TSHZ1: variants seen among roughly 807,000 people sequenced by gnomAD.
The protein encoded by TSHZ1 is teashirt homolog 1.
In TSHZ1, 12 loss-of-function variants were observed where a neutral mutation model predicts 67.1. The ratio of observed to expected loss-of-function variants is 0.18; its 90% CI spans 0.11 to 0.29. The LOEUF (loss-of-function observed/expected upper bound fraction) is 0.29, where lower values mean the gene tolerates loss of function less well. TSHZ1 is among the 10% of genes least tolerant of loss of function. The probability of loss-of-function intolerance (pLI) is 1.00; values close to 1 mark genes in which losing one functional copy is unlikely to be tolerated. For missense variants in TSHZ1, 1,305 were observed against 1,413.9 expected, an observed-to-expected ratio of 0.92 and a Z score of 1.23; for synonymous variants, 632 against 622.4, an observed-to-expected ratio of 1.02 and a Z score of -0.23.
intron 1 of TSHZ1, among the ~76,000 whole-genome samples, chr18:75,271,627 G>A (rs750038720): frequency 7.2e-5 from 11 of 152,044 alleles, no homozygotes; most frequent in South Asian, 2.1e-4. Flanking sequence ...TTGAGCCCCC[G>A]CGTCTCTAAC....
intron 1 of TSHZ1, among the ~76,000 whole-genome samples, chr18:75,242,465 T>C (rs910971796): frequency 1.3e-5 from 2 of 152,256 alleles, no homozygotes. Flanking sequence ...TTGCACTGTT[T>C]TGATTCCATG....
intron 1 of TSHZ1, chr18:75,280,633 GGTCA>G: frequency 9.0e-6 from 5 of 557,068 alleles, no homozygotes; most frequent in Non-Finnish European, 1.1e-5. Flanking sequence ...TGGGGAAGTC[GGTCA>G]ACTTCCCCAA....
At chr18:75,217,063 G>C (rs1431965575) in intron 1 of TSHZ1, among the ~76,000 whole-genome samples, 1 of 152,232 alleles carries the variant, frequency 6.6e-6, no homozygotes, top group Non-Finnish European at 1.5e-5. Context: ...TTTAGCTGTG[G>C]TGGTGGAGAG....
chr18:75,257,286 A>G (rs1199181228), intron 1 of TSHZ1, among the ~76,000 whole-genome samples: 1 of 152,204 alleles, frequency 6.6e-6, no homozygotes, highest in Non-Finnish European at 1.5e-5. Flanking sequence ...ACCTTAATGT[A>G]TACAGAAGAT....
rs201122666 is a variant in TSHZ1 at position 75,287,601 on chromosome 18, A to T, written c.2194A>T (p.Ile732Phe). The T allele has an allele frequency of 1.6e-4, 259 of 1,614,036 alleles. No individual in the cohort carries two copies. Among genetic ancestry groups the T allele is most frequent in the Non-Finnish European group, 2.1e-4 (250 of 1,180,052 alleles). Residue 732 changes from isoleucine (I) to phenylalanine (F), a missense_variant, in exon 2 of 2, where the codon ATC (isoleucine) becomes TTC (phenylalanine). By Grantham distance (21) the Ile-to-Phe change is conservative. Coordinates refer to ENST00000580243, the MANE Select transcript of TSHZ1 (RefSeq NM_001308210.2). This position sits in a 1 kb window ranked among gnomAD's most constrained non-coding sequence, Gnocchi z 5.0. ...KVTNGCNNLG[I>F]IMDHSPEPSF... ...CACCAACGGCTGTAACAACCTGGGGATCATCATGGACCACTCACCGGAGCC... is the reference window on the plus strand; with the variant it reads ...CACCAACGGCTGTAACAACCTGGGGTTCATCATGGACCACTCACCGGAGCC...
chr18:75,239,102 G>C (rs575710416), intron 1 of TSHZ1, among the ~76,000 whole-genome samples: 2 of 152,260 alleles, frequency 1.3e-5, no homozygotes, highest in Admixed American at 1.3e-4. Flanking sequence ...TGGCCAGGAA[G>C]AGCAAGAGTG....
At chr18:75,285,404 A>G in intron 1 of TSHZ1, 44 bp from the exon 2 acceptor site, 1 of 1,421,608 alleles carries the variant, frequency 7.0e-7, no homozygotes, top group Non-Finnish European at 9.2e-7. Flanking sequence ...GTCTCTTTGA[A>G]GATGATTTAC....
chr18:75,220,567 A>G (rs144297467), intron 1 of TSHZ1, among the ~76,000 whole-genome samples: 2 of 152,320 alleles, frequency 1.3e-5, no homozygotes, highest in African/African-American at 4.8e-5. Flanking sequence ...TTGTATTTTA[A>G]TTAGGGTTAA....
chr18:75,273,194 A>C (rs1300713865), intron 1 of TSHZ1, among the ~76,000 whole-genome samples: 1 of 152,240 alleles, frequency 6.6e-6, no homozygotes, highest in Non-Finnish European at 1.5e-5. Context: ...TTGTTCATCT[A>C]TCCACAGAGC....
intron 1 of TSHZ1, among the ~76,000 whole-genome samples, chr18:75,262,856 A>G (rs2023447572): frequency 6.6e-6 from 1 of 152,168 alleles, no homozygotes; most frequent in African/African-American, 2.4e-5. Context: ...TGTACATGGC[A>G]TTGTGCTTCT....
intron 1 of TSHZ1, among the ~76,000 whole-genome samples, chr18:75,255,416 T>A (rs539870896): frequency 6.6e-6 from 1 of 152,320 alleles, no homozygotes; most frequent in South Asian, 2.1e-4. Context: ...ATATGCTAAA[T>A]ACAGGTAACA....
In TSHZ1 at chr18:75,280,680, T is replaced by C. The variant is rs7226964; in HGVS notation, c.41-4768T>C. 2,563 of 921,844 alleles carry C rather than the reference T, an allele frequency of 2.8e-3. 51 individuals carry two copies. In the African/African-American group the frequency reaches 0.042, roughly 15 times the overall value. 57.1% of individuals were successfully genotyped at this position (921,844 alleles called of 1,614,324 possible). A position where few individuals can be genotyped will look rare whatever the true frequency, so the allele number is the denominator to read the frequency against. ...TTTTCTTTCCTGTGGAAAAGGTGTT[T>C]CAGTGATAACTTAGCTTAAAGGGTT... On this transcript the variant is annotated intron_variant, in intron 1 of 1. Coordinates refer to ENST00000580243, the MANE Select transcript of TSHZ1 (RefSeq NM_001308210.2).
chr18:75,248,799 T>C lies in TSHZ1; in HGVS notation c.41-36649T>C, dbSNP rs1599039015. On this transcript the variant is annotated intron_variant, in intron 1 of 1. Coordinates refer to ENST00000580243, the MANE Select transcript of TSHZ1 (RefSeq NM_001308210.2). ...TTGCCTGTGCGTCCAGCTTTGCGAG[T>C]GTGATGGTTTAATTACCCTCTGTGG... 2.0e-5 allele frequency among the ~76,000 whole-genome samples: 3 copies of C among 152,286 alleles called. No homozygotes were observed. The South Asian group carries it at 6.2e-4, about 32-fold the overall frequency.
chr18:75,232,627 G>T (rs924023393), intron 1 of TSHZ1, among the ~76,000 whole-genome samples: 2 of 152,140 alleles, frequency 1.3e-5, no homozygotes, highest in African/African-American at 2.4e-5. Flanking sequence ...CTTTTCAGGC[G>T]CCAGTTCTAT....
chr18:75,259,949 C>T (rs191676499), intron 1 of TSHZ1, among the ~76,000 whole-genome samples: 47 of 152,318 alleles, frequency 3.1e-4, no homozygotes, highest in Non-Finnish European at 5.7e-4. Context: ...GGATAGATAA[C>T]GGCAACTTCC....
At chr18:75,235,318 G>A (rs543436779) in intron 1 of TSHZ1, among the ~76,000 whole-genome samples, 43 of 152,250 alleles carry the variant, frequency 2.8e-4, no homozygotes, top group Non-Finnish European at 4.3e-4. Flanking sequence ...ACTGCCGGTC[G>A]TACGTTGATG....
rs2023691511 is a variant in TSHZ1, at chr18:75,281,903, GTCCCT to G, written c.41-3544_41-3540del. On this transcript the variant is annotated intron_variant, in intron 1 of 1. Coordinates refer to ENST00000580243, the MANE Select transcript of TSHZ1 (RefSeq NM_001308210.2). The surrounding 1 kb of genome is among the most constrained non-coding windows in gnomAD (Gnocchi z 5.3). ...ACGGGGCTCCCTGCCTTCCAAAAGT[GTCCCT>G]CACCTACCCGGTCAGAGGCTGCCTG... is the stretch of plus-strand genomic sequence containing the variant. 2.6e-5 allele frequency among the ~76,000 whole-genome samples: 4 copies of G among 152,086 alleles called. No individual in the cohort carries two copies. Among genetic ancestry groups the G allele is most frequent in the Non-Finnish European group, 4.4e-5 (3 of 68,010 alleles).
At chr18:75,278,725 C>G (rs2023645728) in intron 1 of TSHZ1, among the ~76,000 whole-genome samples, 1 of 152,072 alleles carries the variant, frequency 6.6e-6, no homozygotes, top group Non-Finnish European at 1.5e-5. Flanking sequence ...CAGGGGAGAT[C>G]AGAAGCGCAG....
chr18:75,278,715 C>G (rs2023645524), intron 1 of TSHZ1, among the ~76,000 whole-genome samples: 1 of 152,024 alleles, frequency 6.6e-6, no homozygotes, highest in African/African-American at 2.4e-5. Context: ...TCAGCTGTGA[C>G]AGGGGAGATC....
Sources: allele counts gnomAD v4.1 joint callset (sites outside exome capture counted in the v4.1 genomes callset), GRCh38; gene constraint gnomAD v4.1.1; non-coding constraint Gnocchi (gnomAD v3.1); transcripts MANE v1.5; gene names NCBI Gene and HGNC (gene_info 2026-07-23, HGNC 2026-07-21).